The following PRRC2B variants were observed in gnomAD, a reference collection of about 807,000 sequenced individuals.
PRRC2B encodes the protein protein PRRC2B.
Under a neutral mutation model 242.3 loss-of-function variants are expected in PRRC2B, and 68 were observed. The ratio of observed to expected loss-of-function variants is 0.28; its 90% CI spans 0.23 to 0.34. PRRC2B has a LOEUF of 0.34. Among genes scored for constraint, PRRC2B ranks in the 10% least tolerant of loss-of-function variants. PRRC2B has a pLI of 1.00. For synonymous variants in PRRC2B, 1,228 were observed against 1,173.6 expected (o/e 1.05, Z -0.95); for missense variants, 2,835 against 2,954.8 (o/e 0.96, Z 0.94).
At chr9:131,423,940 C>CA (rs1564279553) in intron 1 of PRRC2B, among the ~76,000 whole-genome samples, 7 of 127,616 alleles carry the variant, frequency 5.5e-5, no homozygotes, top group Non-Finnish European at 1.0e-4. Flanking sequence ...CTTTCTGCTA[C>CA]GTTTTTTTTT....
Position 131,479,366 on chromosome 9 carries a change from A to G in PRRC2B, c.4873A>G (p.Thr1625Ala), listed in dbSNP as rs751506140. 6.2e-7 allele frequency: 1 copy of G among 1,613,838 alleles called. No individual in the cohort carries two copies. Among genetic ancestry groups the G allele is most frequent in the Non-Finnish European group, 8.5e-7 (1 of 1,179,804 alleles). The change falls in exon 19 of 32, where the codon ACT becomes GCT. Residue 1625 changes from threonine (T) to alanine (A), a missense_variant. Coordinates refer to ENST00000683519, the MANE Select transcript of PRRC2B (RefSeq NM_013318.4). ...GACCGTGCCTGGCAGCAGCCTGGGC[A>G]CTGAGATCTGGGAGAGCAGCAGCCA... The part of the protein sequence containing the change: ...DVTVPGSSLG[T>A]EIWESSSQAL...
intron 28 of PRRC2B, chr9:131,490,891 G>T (rs199851576): frequency 2.6e-4 from 82 of 314,152 alleles, no homozygotes; most frequent in East Asian, 1.5e-3. Context: ...TCCTCTCCTT[G>T]CCCACCCCGC....
chr9:131,398,008 A>T (rs1004759021), intron 1 of PRRC2B, among the ~76,000 whole-genome samples: 8 of 152,222 alleles, frequency 5.3e-5, no homozygotes, highest in African/African-American at 1.7e-4. Flanking sequence ...GTACAGCCTC[A>T]GGAAACTTGG....
intron 1 of PRRC2B, among the ~76,000 whole-genome samples, chr9:131,429,594 C>T (rs1194372822): frequency 2.6e-5 from 4 of 152,202 alleles, no homozygotes; most frequent in African/African-American, 9.7e-5. Flanking sequence ...GGATAATACT[C>T]TGGCTGCCCT....
upstream of PRRC2B, among the ~76,000 whole-genome samples, chr9:131,391,837 T>C (rs1464420691): frequency 6.6e-6 from 1 of 152,022 alleles, no homozygotes; most frequent in Non-Finnish European, 1.5e-5. Flanking sequence ...ACCTCCTGGG[T>C]TCAAGTGATT....
chr9:131,406,176 T>C (rs1837356613), intron 1 of PRRC2B, among the ~76,000 whole-genome samples: 1 of 152,176 alleles, frequency 6.6e-6, no homozygotes, highest in Non-Finnish European at 1.5e-5. Context: ...TCTAATTATG[T>C]GCTCAGCACT....
At chr9:131,420,473 C>CTCTCTTTCTCTCTTTCTCTCTTTCTCTCT (rs1837787312) in intron 1 of PRRC2B, among the ~76,000 whole-genome samples, 1 of 12,616 alleles carries the variant, frequency 7.9e-5, no homozygotes, top group African/African-American at 1.8e-4. Flanking sequence ...TTCTTTCTTT[C>CTCTCTTTCTCTCTTTCTCTCTTTCTCTCT]TTTCTTTCTT....
intron 12 of PRRC2B, among the ~76,000 whole-genome samples, chr9:131,465,591 T>C (rs1453836237): frequency 1.3e-5 from 2 of 152,244 alleles, no homozygotes; most frequent in Non-Finnish European, 2.9e-5. Flanking sequence ...TTATCCTCGC[T>C]ATCCCTGCCT....
At chr9:131,462,538 T>A (rs968985029) in intron 11 of PRRC2B, among the ~76,000 whole-genome samples, 4 of 151,190 alleles carry the variant, frequency 2.6e-5, no homozygotes, top group Non-Finnish European at 4.4e-5. Context: ...TTTAAGAAAA[T>A]TTTTAAGAAT....
intron 3 of PRRC2B, among the ~76,000 whole-genome samples, chr9:131,435,159 G>T (rs1050498827): frequency 1.5e-4 from 23 of 151,928 alleles, no homozygotes; most frequent in African/African-American, 5.6e-4. Context: ...TTAGCTGGGC[G>T]TGGTCGTGCA....
chr9:131,495,612 C>T (rs1944312820), intron 31 of PRRC2B, 128 bp from the exon 32 acceptor site: 2 of 1,086,928 alleles, frequency 1.8e-6, no homozygotes, highest in African/African-American at 3.1e-5. Flanking sequence ...GGTCCTTCAA[C>T]CAAGGGACTG....
chr9:131,495,831 CGATCAAGCCTCGGGCTGTCAAAGTGGAG>C lies in PRRC2B; in HGVS notation c.6650_6677del (p.Ile2217ArgfsTer73). 1 of 1,612,266 alleles carries C rather than the reference CGATCAAGCCTCGGGCTGTCAAAGTGGAG, an allele frequency of 6.2e-7. No homozygotes were observed. The highest frequency in any genetic ancestry group is 8.5e-7 in the Non-Finnish European group (1 of 1,178,560). The stretch of plus-strand genomic sequence containing the variant: ...GCCTCCCAGATGAAGCGAACCGGAG[CGATCAAGCCTCGGGCTGTCAAAGTGGAG>C]GAGAGTAAGGCCTGACAGTGCCTGG... On this transcript the variant is annotated frameshift_variant, in exon 32 of 32. Coordinates refer to ENST00000683519, the MANE Select transcript of PRRC2B (RefSeq NM_013318.4). LOFTEE classifies it high-confidence loss of function.
intron 8 of PRRC2B, 126 bp downstream of exon 8, chr9:131,447,332 C>T (rs1838835377): frequency 9.0e-6 from 11 of 1,215,610 alleles, no homozygotes; most frequent in South Asian, 3.0e-5. Context: ...ACCAGCTCAG[C>T]GTGGCAGGGT....
intron 16 of PRRC2B, among the ~76,000 whole-genome samples, chr9:131,477,277 G>A (rs572930121): frequency 6.4e-4 from 97 of 152,300 alleles, no homozygotes; most frequent in Admixed American, 1.0e-3. Context: ...AGAATTCAAG[G>A]CAGAGAAACT....
chr9:131,488,932 C>A (rs970244728), intron 28 of PRRC2B, among the ~76,000 whole-genome samples: 1 of 152,170 alleles, frequency 6.6e-6, no homozygotes, highest in African/African-American at 2.4e-5. Context: ...CTCTCCTGTT[C>A]CAGTTCCTAG....
In PRRC2B at chr9:131,464,828, A is replaced by G; in HGVS notation, c.1470A>G (p.Pro490=). The G allele has an allele frequency of 6.2e-7, 1 of 1,613,470 alleles. No individual in the cohort carries two copies. The highest frequency in any genetic ancestry group is 1.3e-5 in the African/African-American group (1 of 75,020). Residue 490 remains proline (P), a synonymous_variant, in exon 12 of 32, where the codon CCA becomes CCG. Transcript: ENST00000683519. ...SIEDKEDKPP[P]RQKFIQSEMS... ...AGGACAAGGAGGACAAGCCCCCACCAAGGCAGAAGTTCATTCAGTCAGAGA... is the reference window on the plus strand; with the variant it reads ...AGGACAAGGAGGACAAGCCCCCACCGAGGCAGAAGTTCATTCAGTCAGAGA...
Position 131,487,934 on chromosome 9 carries a change from A to G in PRRC2B, c.6063A>G (p.Pro2021=), listed in dbSNP as rs1944072883. Reference sequence around the variant, plus strand: ...CTGGGGGCACAGCCTTGAAGCCTCCATACTCGGCGTTCCCAGGCATGCAGC... The same window carrying G: ...CTGGGGGCACAGCCTTGAAGCCTCCGTACTCGGCGTTCCCAGGCATGCAGC... ...ILSGGTALKP[P]YSAFPGMQPL... Residue 2021 remains proline, a synonymous_variant, in exon 28 of 32, where the codon CCA becomes CCG. Transcript: ENST00000683519. The surrounding 1 kb of genome is among the most constrained non-coding windows in gnomAD (Gnocchi z 5.3). 1.9e-6 allele frequency: 3 copies of G among 1,613,688 alleles called. No individual in the cohort carries two copies. Among genetic ancestry groups the G allele is most frequent in the Non-Finnish European group, 2.5e-6 (3 of 1,179,804 alleles).
Position 131,425,362 on chromosome 9 carries a change from G to A in PRRC2B, c.-51-4732G>A, listed in dbSNP as rs187414150. Among the ~76,000 whole-genome samples the A allele has an allele frequency of 3.2e-3, 481 of 152,296 alleles. 2 individuals are homozygous for A. The highest frequency in any genetic ancestry group is 6.8e-3 in the South Asian group (33 of 4,822). ...TCAAACCTTCTCAGAGAAGTGTGGT[G>A]TGTGCCAGGTAGTTACACTGAGAGC... On this transcript the variant is annotated intron_variant, in intron 1 of 31. Coordinates refer to ENST00000683519, the MANE Select transcript of PRRC2B (RefSeq NM_013318.4).
rs145891824 is a variant in PRRC2B at position 131,385,794 on chromosome 9, C to T, written c.-56+12063C>T. On this transcript the variant is annotated intron_variant, in intron 1 of 1. Coordinates refer to the PRRC2B transcript ENST00000682525. ...CTGCAAGCTCCGCCTCCTGGGTTCA[C>T]GCCATTCTCCTGCCTCAGCCTCCTG... 5.9e-3 allele frequency among the ~76,000 whole-genome samples: 868 copies of T among 147,908 alleles called. 21 individuals carry two copies. Among genetic ancestry groups the T allele is most frequent in the African/African-American group, 0.021 (837 of 40,694 alleles).
Sources: gnomAD v4.1 joint callset for allele counts (sites outside exome capture counted in the v4.1 genomes callset) on GRCh38, gnomAD v4.1.1 for gene constraint, Gnocchi (gnomAD v3.1) non-coding constraint, MANE v1.5 for transcripts, NCBI Gene and HGNC (gene_info 2026-07-23, HGNC 2026-07-21) for gene names.